COL26A1: variants seen among roughly 807,000 people sequenced by gnomAD.
COL26A1 encodes collagen alpha-1(XXVI) chain.
In COL26A1, 41 loss-of-function variants were observed where a neutral mutation model predicts 59.3. That is an observed-to-expected ratio of 0.69 (90% CI 0.54 to 0.90). The LOEUF is 0.90. Ranked by LOEUF, COL26A1 falls within the 40% of genes least tolerant of loss-of-function variation. COL26A1 has a pLI of 0.00. For missense variants in COL26A1, 612 were observed against 602.3 expected (o/e 1.02, Z -0.17); for synonymous variants, 266 against 256.0 (o/e 1.04, Z -0.37).
chr7:101,428,743 ATCC>A (rs1181016314), intron 2 of COL26A1, among the ~76,000 whole-genome samples: 1 of 151,518 alleles, frequency 6.6e-6, no homozygotes, highest in African/African-American at 2.4e-5. Flanking sequence ...AACTCAAGCA[ATCC>A]TCCTGCCTCG....
At chr7:101,439,399 C>G (rs141331938) in intron 2 of COL26A1, among the ~76,000 whole-genome samples, 17 of 151,806 alleles carry the variant, frequency 1.1e-4, no homozygotes, top group African/African-American at 4.1e-4. Flanking sequence ...ACTAAAAATA[C>G]AAAAATTAGC....
At chr7:101,500,725 G>A (rs1794685931) in intron 3 of COL26A1, among the ~76,000 whole-genome samples, 2 of 152,140 alleles carry the variant, frequency 1.3e-5, no homozygotes, top group South Asian at 4.1e-4. Flanking sequence ...GGAGGCTGAG[G>A]CGGGAGAATC....
intron 3 of COL26A1, among the ~76,000 whole-genome samples, chr7:101,503,128 T>C (rs1228101097): frequency 6.6e-6 from 1 of 152,160 alleles, no homozygotes; most frequent in Admixed American, 6.6e-5. Flanking sequence ...ATTTCTTCTC[T>C]CATCAGTGAT....
intron 1 of COL26A1, among the ~76,000 whole-genome samples, chr7:101,364,541 C>T (rs2116989577): frequency 6.6e-6 from 1 of 150,958 alleles, no homozygotes; most frequent in Admixed American, 6.6e-5. Context: ...GGCCTAGGAG[C>T]CACTCAGGAC....
At chr7:101,438,957 C>T (rs1584408157) in intron 2 of COL26A1, among the ~76,000 whole-genome samples, 1 of 152,170 alleles carries the variant, frequency 6.6e-6, no homozygotes, top group Non-Finnish European at 1.5e-5. Flanking sequence ...GGATTACAGG[C>T]GTGAGCCACA....
intron 3 of COL26A1, among the ~76,000 whole-genome samples, chr7:101,488,627 C>T (rs1016295652): frequency 9.9e-5 from 15 of 151,974 alleles, no homozygotes; most frequent in African/African-American, 2.4e-4. Context: ...CCTCCCTCCT[C>T]GGCCTCCCAA....
At chr7:101,514,968 GTTCT>G (rs1327168970) in intron 3 of COL26A1, among the ~76,000 whole-genome samples, 1 of 152,222 alleles carries the variant, frequency 6.6e-6, no homozygotes, top group African/African-American at 2.4e-5. Context: ...GTTGTCCCAA[GTTCT>G]TTCAATGGCT....
At chr7:101,473,632 ACACACACACACACAC>A (rs1402120240) in intron 3 of COL26A1, among the ~76,000 whole-genome samples, 1 of 150,356 alleles carries the variant, frequency 6.7e-6, no homozygotes, top group Non-Finnish European at 1.5e-5. Flanking sequence ...ACACACACAC[ACACACACACACACAC>A]ACACACAAAC....
In COL26A1 at chr7:101,470,343, C is replaced by T. The variant is rs145224526; in HGVS notation, c.385+22556C>T. Among the ~76,000 whole-genome samples the T allele has an allele frequency of 3.8e-3, 575 of 152,080 alleles. 2 individuals carry two copies. Among genetic ancestry groups the T allele is most frequent in the South Asian group, 0.012 (58 of 4,810 alleles). On this transcript the variant is annotated intron_variant, in intron 3 of 12. Transcript: ENST00000313669. Reference sequence around the variant, plus strand: ...TCCTGACCTCAGGTGATCCGTCCACCTCGGCCTCCCAAAGTGCTGGGATTA... The same window carrying T: ...TCCTGACCTCAGGTGATCCGTCCACTTCGGCCTCCCAAAGTGCTGGGATTA...
chr7:101,502,919 C>T (rs996385756), intron 3 of COL26A1, among the ~76,000 whole-genome samples: 10 of 152,184 alleles, frequency 6.6e-5, no homozygotes, highest in Non-Finnish European at 1.3e-4. Context: ...ACATGGTGTC[C>T]GCCCAGTGAC....
intron 2 of COL26A1, among the ~76,000 whole-genome samples, chr7:101,436,639 C>T (rs1792922630): frequency 6.6e-6 from 1 of 152,004 alleles, no homozygotes; most frequent in Non-Finnish European, 1.5e-5. Context: ...CTTTGGAGAC[C>T]AGAGAGCCAA....
intron 3 of COL26A1, among the ~76,000 whole-genome samples, chr7:101,496,883 G>GA (rs34276328): frequency 0.26 from 32,123 of 121,672 alleles, 4,148 homozygotes; most frequent in African/African-American, 0.42. Context: ...CTGTCTCAAA[G>GA]AAAAAAAAAA....
intron 1 of COL26A1, among the ~76,000 whole-genome samples, chr7:101,399,006 C>T (rs1791928762): frequency 6.6e-6 from 1 of 151,932 alleles, no homozygotes; most frequent in South Asian, 2.1e-4. Flanking sequence ...GTCAGAATTG[C>T]CCATCAAGAT....
At chr7:101,457,811 T>C (rs1026160090) in intron 3 of COL26A1, among the ~76,000 whole-genome samples, 3 of 152,176 alleles carry the variant, frequency 2.0e-5, no homozygotes, top group South Asian at 2.1e-4. Context: ...TACATATACA[T>C]GTGTAGTTTA....
intron 2 of COL26A1, among the ~76,000 whole-genome samples, chr7:101,424,245 C>T (rs6949799): frequency 0.73 from 110,599 of 151,992 alleles, 41,205 homozygotes; most frequent in African/African-American, 0.9. Flanking sequence ...TTTTCATTCT[C>T]TTAGAGAAAT....
chr7:101,417,944 C>T (rs1011950710), intron 1 of COL26A1, among the ~76,000 whole-genome samples: 18 of 151,868 alleles, frequency 1.2e-4, no homozygotes, highest in Admixed American at 4.6e-4. Context: ...AGGCTGGTCT[C>T]GAACTCCTGA....
chr7:101,401,327 GTGA>G (rs1206454435), intron 1 of COL26A1, among the ~76,000 whole-genome samples: 3 of 152,150 alleles, frequency 2.0e-5, no homozygotes, highest in Admixed American at 6.6e-5. Context: ...GATGATGAGG[GTGA>G]TGATGAAAGC....
intron 3 of COL26A1, among the ~76,000 whole-genome samples, chr7:101,475,247 G>C (rs114153101): frequency 0.056 from 8,400 of 151,136 alleles, 319 homozygotes; most frequent in African/African-American, 0.08. Context: ...ACTTAGCAAG[G>C]CATGTTCAGA....
At chr7:101,555,007 A>G (rs1440436297) in intron 11 of COL26A1, among the ~76,000 whole-genome samples, 4 of 152,166 alleles carry the variant, frequency 2.6e-5, no homozygotes. Context: ...TAATCTGAAC[A>G]TAAGACAGAT....
Sources: gnomAD v4.1 joint callset for allele counts (sites outside exome capture counted in the v4.1 genomes callset) on GRCh38, gnomAD v4.1.1 for gene constraint, MANE v1.5 for transcripts, NCBI Gene and HGNC (gene_info 2026-07-23, HGNC 2026-07-21) for gene names.